SGCZ: variants seen among roughly 807,000 people sequenced by gnomAD.
SGCZ encodes zeta-sarcoglycan.
SGCZ carries 40 observed loss-of-function variants against 41.3 expected under a neutral mutation model. The observed-to-expected ratio is 0.97, with a 90% confidence interval of 0.75 to 1.26. SGCZ has a LOEUF of 1.26. SGCZ is among the 50% of genes most tolerant of loss of function. The pLI is 0.00. For synonymous variants in SGCZ, 206 were observed against 137.5 expected (o/e 1.50, Z -3.49); for missense variants, 552 against 369.8 (o/e 1.49, Z -4.04).
At chr8:14,494,530 C>T (rs1188001826) in intron 2 of SGCZ, among the ~76,000 whole-genome samples, 4 of 152,076 alleles carry the variant, frequency 2.6e-5, no homozygotes, top group African/African-American at 9.7e-5. Context: ...CACACACAAA[C>T]ACGCACACCA....
chr8:15,066,938 A>G (rs1442099979), intron 1 of SGCZ, among the ~76,000 whole-genome samples: 2 of 152,212 alleles, frequency 1.3e-5, no homozygotes, highest in African/African-American at 4.8e-5. Context: ...ACCTTTATAC[A>G]TATCATCTGT....
intron 5 of SGCZ, among the ~76,000 whole-genome samples, chr8:14,158,196 G>C (rs1013779842): frequency 4.6e-5 from 7 of 151,632 alleles, no homozygotes; most frequent in African/African-American, 1.7e-4. Context: ...TTCATACTTT[G>C]TACAGTACAG....
Position 14,085,934 on chromosome 8 carries a change from T to C in SGCZ, c.*4509A>G, listed in dbSNP as rs2116938015. The stretch of plus-strand genomic sequence containing the variant: ...AAATCCCATTCTTTGGTCTTTGACA[T>C]TTAAACAACTAATAAATTTCAGTAT... On this transcript the variant is annotated 3_prime_UTR_variant, in exon 8 of 8. Transcript: ENST00000382080. Among the ~76,000 whole-genome samples the C allele has an allele frequency of 6.6e-6, 1 of 151,900 alleles. No homozygotes were observed. The highest frequency in any genetic ancestry group is 2.4e-5 in the African/African-American group (1 of 41,538).
At chr8:14,570,065 T>A (rs993659369) in intron 1 of SGCZ, among the ~76,000 whole-genome samples, 14 of 152,100 alleles carry the variant, frequency 9.2e-5, no homozygotes, top group African/African-American at 2.4e-4. Context: ...AGTATTTATC[T>A]CTGCCTAGCA....
chr8:15,101,277 G>A (rs1420732436), intron 1 of SGCZ, among the ~76,000 whole-genome samples: 1 of 152,120 alleles, frequency 6.6e-6, no homozygotes, highest in Non-Finnish European at 1.5e-5. Context: ...CTTTGTAATA[G>A]ACACTGGTAA....
chr8:14,649,922 A>G lies in SGCZ; in HGVS notation c.40-94996T>C, dbSNP rs543279014. ...GAGAAGATTGTGAGTTCACCACAAG[A>G]GAAAGTTTGTATGGTTTAGGGCTAT... On this transcript the variant is annotated intron_variant, in intron 1 of 7. Coordinates refer to ENST00000382080, the MANE Select transcript of SGCZ (RefSeq NM_139167.4). 1.2e-4 allele frequency among the ~76,000 whole-genome samples: 18 copies of G among 152,156 alleles called. 2 individuals are homozygous for G. In the South Asian group the frequency reaches 3.5e-3, roughly 30 times the overall value.
chr8:15,224,210 A>T (rs1801698019), intron 1 of SGCZ, among the ~76,000 whole-genome samples: 2 of 152,166 alleles, frequency 1.3e-5, no homozygotes, highest in African/African-American at 4.8e-5. Context: ...TCTATTTATA[A>T]CAGAGTATAT....
intron 1 of SGCZ, among the ~76,000 whole-genome samples, chr8:15,145,737 G>A (rs1257633818): frequency 1.3e-5 from 2 of 152,166 alleles, no homozygotes; most frequent in Non-Finnish European, 2.9e-5. Flanking sequence ...CTACAGGTGT[G>A]AGCACCATAC....
chr8:15,175,661 C>T (rs1433638406), intron 1 of SGCZ, among the ~76,000 whole-genome samples: 2 of 151,924 alleles, frequency 1.3e-5, no homozygotes, highest in Non-Finnish European at 2.9e-5. Context: ...ATGTAACAAA[C>T]CTGCACATCC....
intron 1 of SGCZ, among the ~76,000 whole-genome samples, chr8:14,667,968 T>C (rs1211584402): frequency 1.3e-5 from 2 of 152,156 alleles, no homozygotes; most frequent in Non-Finnish European, 2.9e-5. Context: ...TATTTATTTA[T>C]TTATTTGAGA....
chr8:14,931,353 C>T (rs1013069972), intron 1 of SGCZ, among the ~76,000 whole-genome samples: 2 of 151,832 alleles, frequency 1.3e-5, no homozygotes, highest in African/African-American at 4.8e-5. Flanking sequence ...TCTTGAGTTC[C>T]TACTTTGTTA....
chr8:14,800,366 A>AG (rs1165037061), intron 1 of SGCZ, among the ~76,000 whole-genome samples: 1 of 152,210 alleles, frequency 6.6e-6, no homozygotes, highest in Non-Finnish European at 1.5e-5. Context: ...GGAATAGGGA[A>AG]GGGGTTAATC....
intron 1 of SGCZ, among the ~76,000 whole-genome samples, chr8:14,620,345 A>T (rs9692991): frequency 0.054 from 8,199 of 152,252 alleles, 264 homozygotes; most frequent in South Asian, 0.15. Flanking sequence ...CCTAGAAGAA[A>T]ACCTAGGCAA....
chr8:15,101,349 G>T (rs963035049), intron 1 of SGCZ, among the ~76,000 whole-genome samples: 1 of 152,078 alleles, frequency 6.6e-6, no homozygotes, highest in Non-Finnish European at 1.5e-5. Flanking sequence ...TCTGATAAAA[G>T]ACTTCAATAT....
chr8:14,945,051 T>C (rs185746146), intron 1 of SGCZ, among the ~76,000 whole-genome samples: 48 of 151,434 alleles, frequency 3.2e-4, no homozygotes, highest in Admixed American at 6.6e-4. Flanking sequence ...CTGTGAAAGT[T>C]TGTGCTACAG....
chr8:14,444,021 C>G (rs1800354114), intron 2 of SGCZ, among the ~76,000 whole-genome samples: 1 of 152,116 alleles, frequency 6.6e-6, no homozygotes, highest in South Asian at 2.1e-4. Flanking sequence ...AGACGCTTCT[C>G]AAAAGAAGAC....
At chr8:14,452,016 A>C (rs1419799149) in intron 2 of SGCZ, among the ~76,000 whole-genome samples, 1 of 152,220 alleles carries the variant, frequency 6.6e-6, no homozygotes, top group South Asian at 2.1e-4. Context: ...TGCCTACATA[A>C]AATCATGCAC....
intron 1 of SGCZ, among the ~76,000 whole-genome samples, chr8:14,777,362 A>T (rs1373143262): frequency 1.3e-5 from 2 of 152,126 alleles, no homozygotes; most frequent in Non-Finnish European, 2.9e-5. Context: ...AAAGCTGAAT[A>T]AAAAAATACG....
chr8:14,448,746 T>C (rs1563336286), intron 2 of SGCZ, among the ~76,000 whole-genome samples: 4 of 152,126 alleles, frequency 2.6e-5, no homozygotes, highest in South Asian at 2.1e-4. Flanking sequence ...ATGATCGCCG[T>C]TGATGCAAAG....
Sources: gnomAD v4.1 joint callset for allele counts (sites outside exome capture counted in the v4.1 genomes callset) on GRCh38, gnomAD v4.1.1 for gene constraint, MANE v1.5 for transcripts, NCBI Gene and HGNC (gene_info 2026-07-23, HGNC 2026-07-21) for gene names.